The following MCF2L2 variants were observed in gnomAD, a reference collection of about 807,000 sequenced individuals.
The protein encoded by MCF2L2 is probable guanine nucleotide exchange factor MCF2L2.
MCF2L2 carries 102 observed loss-of-function variants against 150.2 expected under a neutral mutation model. That is an observed-to-expected ratio of 0.68 (90% CI 0.58 to 0.80). The LOEUF (loss-of-function observed/expected upper bound fraction) is 0.80. Among genes scored for constraint, MCF2L2 ranks in the 30% least tolerant of loss-of-function variants. The pLI is 0.00. For missense variants in MCF2L2, 1,256 were observed against 1,372.8 expected (o/e 0.91, Z 1.34); for synonymous variants, 465 against 491.3 (o/e 0.95, Z 0.71).
At chr3:183,256,535 T>C (rs1725058919) in intron 15 of MCF2L2, among the ~76,000 whole-genome samples, 1 of 152,192 alleles carries the variant, frequency 6.6e-6, no homozygotes, top group Admixed American at 6.5e-5. Context: ...TTCTCTTCCA[T>C]AGAAGGCTTT....
At chr3:183,255,826 AAAG>A (rs1724996171) in intron 15 of MCF2L2, among the ~76,000 whole-genome samples, 1 of 152,156 alleles carries the variant, frequency 6.6e-6, no homozygotes, top group African/African-American at 2.4e-5. Context: ...AAAAAAAGAA[AAAG>A]AAAACTTTCT....
chr3:183,203,286 C>T (rs1164191162), intron 25 of MCF2L2, among the ~76,000 whole-genome samples: 2 of 151,988 alleles, frequency 1.3e-5, no homozygotes, highest in African/African-American at 4.8e-5. Flanking sequence ...TAGACCAATA[C>T]TTTAACTATT....
intron 3 of MCF2L2, among the ~76,000 whole-genome samples, chr3:183,350,097 A>C (rs1273606391): frequency 6.6e-6 from 1 of 152,174 alleles, no homozygotes; most frequent in Non-Finnish European, 1.5e-5. Flanking sequence ...TTCGCTCCAC[A>C]CAGACTAAGA....
intron 14 of MCF2L2, chr3:183,287,549 T>G (rs770301901): frequency 2.6e-5 from 4 of 152,228 alleles, no homozygotes; most frequent in East Asian, 1.9e-4. Context: ...TCCACAGACC[T>G]CCTGGGTGTT....
At chr3:183,228,813 C>T (rs1319061871) in intron 17 of MCF2L2, among the ~76,000 whole-genome samples, 1 of 152,172 alleles carries the variant, frequency 6.6e-6, no homozygotes, top group Admixed American at 6.5e-5. Flanking sequence ...ACTGCTGCTG[C>T]TGCTGTTGCT....
At position 183,249,953 on chromosome 3, in the gene MCF2L2, G is replaced by A. The variant is rs929125556; in HGVS notation, c.1863-18936C>T. On this transcript the variant is annotated intron_variant, in intron 15 of 29. Coordinates refer to ENST00000328913, the MANE Select transcript of MCF2L2 (RefSeq NM_015078.4). ...GAGTCTCTGAGAGACTCAGAGAAGA[G>A]CAGGGCATGGTGTCCACCCACAAGA... 4.6e-5 allele frequency among the ~76,000 whole-genome samples: 7 copies of A among 152,214 alleles called. No homozygotes were observed. In the East Asian group the frequency reaches 5.8e-4, roughly 13 times the overall value.
At chr3:183,212,886 G>T (rs892502240) in intron 22 of MCF2L2, among the ~76,000 whole-genome samples, 1 of 138,314 alleles carries the variant, frequency 7.2e-6, no homozygotes, top group African/African-American at 2.7e-5. Flanking sequence ...CACAGTGCTT[G>T]GTGCCTTACC....
chr3:183,261,603 T>G (rs1725593366), intron 15 of MCF2L2, among the ~76,000 whole-genome samples: 1 of 152,186 alleles, frequency 6.6e-6, no homozygotes. Flanking sequence ...TCATGATGCA[T>G]GGGGATATTC....
intron 7 of MCF2L2, among the ~76,000 whole-genome samples, chr3:183,317,294 C>G (rs189737980): frequency 2.6e-5 from 4 of 152,092 alleles, no homozygotes; most frequent in Non-Finnish European, 5.9e-5. Context: ...ATACACTGAC[C>G]GTCCAATCCT....
At chr3:183,324,001 C>A (rs543230492) in intron 5 of MCF2L2, among the ~76,000 whole-genome samples, 16 of 152,274 alleles carry the variant, frequency 1.1e-4, no homozygotes, top group African/African-American at 3.6e-4. Context: ...TAAGGTACAC[C>A]TTTCAGCCAC....
rs1336764142 is a variant in MCF2L2 at position 183,181,009 on chromosome 3, A to C, written c.3017-850T>G. ...CTGCAGAAAGGTCCCAACACAGGAC[A>C]GCCCCAGACCGAGGGTCAGCTGAGT... On this transcript the variant is annotated intron_variant, in intron 27 of 29. Transcript: ENST00000328913. This position sits in a 1 kb window ranked among gnomAD's most constrained non-coding sequence, Gnocchi z 4.3. Among the ~76,000 whole-genome samples the C allele has an allele frequency of 6.6e-6, 1 of 152,252 alleles. No homozygotes were observed. The highest frequency in any genetic ancestry group is 2.4e-5 in the African/African-American group (1 of 41,466).
Position 183,283,031 on chromosome 3 carries a change from C to A in MCF2L2, c.1777-6074G>T, listed in dbSNP as rs756424422. ...AAGTACTTTATCGGGCCAACAAATT[C>A]ATCCCATGAGGAATCCAAGATGGAA... On this transcript the variant is annotated intron_variant, in intron 14 of 29. Coordinates refer to ENST00000328913, the MANE Select transcript of MCF2L2 (RefSeq NM_015078.4). The surrounding 1 kb of genome is among the most constrained non-coding windows in gnomAD (Gnocchi z 4.2). 6.6e-6 allele frequency among the ~76,000 whole-genome samples: 1 copy of A among 152,216 alleles called. No homozygotes were observed. The highest frequency in any genetic ancestry group is 1.5e-5 in the Non-Finnish European group (1 of 68,036).
At chr3:183,210,937 G>A (rs1722694661) in intron 22 of MCF2L2, among the ~76,000 whole-genome samples, 1 of 152,164 alleles carries the variant, frequency 6.6e-6, no homozygotes, top group African/African-American at 2.4e-5. Context: ...TGCCAGGGTT[G>A]GGGGTTGGCA....
intron 25 of MCF2L2, among the ~76,000 whole-genome samples, chr3:183,198,887 T>C (rs926241866): frequency 6.6e-6 from 1 of 152,170 alleles, no homozygotes; most frequent in Non-Finnish European, 1.5e-5. Context: ...TATCATTCTG[T>C]GTTAAGCCTC....
At chr3:183,318,034 G>A (rs1038269584) in intron 7 of MCF2L2, 34 bp downstream of exon 7, 2 of 1,607,224 alleles carry the variant, frequency 1.2e-6, no homozygotes, top group African/African-American at 2.7e-5. Context: ...TGCTGGCACA[G>A]ACACTGGCCT....
At chr3:183,384,640 C>T (rs1437558356) in intron 2 of MCF2L2, among the ~76,000 whole-genome samples, 1 of 152,152 alleles carries the variant, frequency 6.6e-6, no homozygotes, top group Non-Finnish European at 1.5e-5. Context: ...CCCCCACCCA[C>T]CAAGTTATCC....
chr3:183,219,680 T>G (rs1723072573), intron 21 of MCF2L2, among the ~76,000 whole-genome samples, 176 bp downstream of exon 21: 1 of 152,192 alleles, frequency 6.6e-6, no homozygotes, highest in African/African-American at 2.4e-5. Flanking sequence ...ATCCCTACTT[T>G]AAAATTGCCT....
chr3:183,392,438 C>A (rs965047372), intron 1 of MCF2L2, among the ~76,000 whole-genome samples: 2 of 152,200 alleles, frequency 1.3e-5, no homozygotes, highest in East Asian at 3.9e-4. Flanking sequence ...TGCCCATCCC[C>A]CCAGCCCCCG....
chr3:183,427,103 G>T (rs544462949), intron 1 of MCF2L2, among the ~76,000 whole-genome samples: 2 of 152,184 alleles, frequency 1.3e-5, no homozygotes, highest in Non-Finnish European at 2.9e-5. Context: ...GATAATTCCA[G>T]TTGCCCACAT....
Sources: gnomAD v4.1 joint callset for allele counts (sites outside exome capture counted in the v4.1 genomes callset) on GRCh38, gnomAD v4.1.1 for gene constraint, Gnocchi (gnomAD v3.1) non-coding constraint, MANE v1.5 for transcripts, NCBI Gene and HGNC (gene_info 2026-07-23, HGNC 2026-07-21) for gene names.